LRIG1: variants seen among roughly 807,000 people sequenced by gnomAD.
LRIG1 encodes leucine-rich repeats and immunoglobulin-like domains protein 1.
A neutral mutation model predicts 99.2 loss-of-function variants in LRIG1; 48 were observed. The ratio of observed to expected loss-of-function variants is 0.48; its 90% confidence interval spans 0.38 to 0.62. The LOEUF is 0.62. Among genes scored for constraint, LRIG1 ranks in the 20% least tolerant of loss-of-function variants. The probability of loss-of-function intolerance (pLI) is 0.00; values close to 1 mark genes in which losing one functional copy is unlikely to be tolerated. For missense variants in LRIG1, 1,646 were observed against 1,434.4 expected, an observed-to-expected ratio of 1.15 and a Z score of -2.38; for synonymous variants, 772 against 596.1, an observed-to-expected ratio of 1.29 and a Z score of -4.30.
chr3:66,457,800 C>T (rs1315050924), intron 2 of LRIG1, among the ~76,000 whole-genome samples: 2 of 152,174 alleles, frequency 1.3e-5, no homozygotes, highest in African/African-American at 4.8e-5. Context: ...TAAGATATGA[C>T]CTCTGTCTTA....
intron 12 of LRIG1, among the ~76,000 whole-genome samples, chr3:66,389,516 C>G (rs915948315): frequency 1.3e-5 from 2 of 152,132 alleles, no homozygotes; most frequent in Non-Finnish European, 2.9e-5. Context: ...CAAAAGAGAA[C>G]TAAAGTGTCC....
At chr3:66,394,664 G>A (rs892235325) in intron 11 of LRIG1, among the ~76,000 whole-genome samples, 2 of 152,192 alleles carry the variant, frequency 1.3e-5, no homozygotes, top group African/African-American at 4.8e-5. Context: ...TAAACTACTT[G>A]GAGCTTCCAA....
intron 3 of LRIG1, among the ~76,000 whole-genome samples, chr3:66,444,120 G>A (rs1703640144): frequency 6.6e-6 from 1 of 152,186 alleles, no homozygotes; most frequent in Admixed American, 6.5e-5. Flanking sequence ...TCCTGCCGGG[G>A]GAGAGGGGAT....
chr3:66,439,183 C>G (rs1490109157), intron 3 of LRIG1, among the ~76,000 whole-genome samples: 1 of 152,230 alleles, frequency 6.6e-6, no homozygotes, highest in Non-Finnish European at 1.5e-5. Flanking sequence ...CCTGGAAGAA[C>G]TGCGCCAAGG....
At chr3:66,467,156 C>T (rs762769361) in intron 1 of LRIG1, among the ~76,000 whole-genome samples, 7 of 152,168 alleles carry the variant, frequency 4.6e-5, no homozygotes, top group Non-Finnish European at 8.8e-5. Context: ...ACAGTTTGCT[C>T]GCTGAGCACG....
intron 2 of LRIG1, among the ~76,000 whole-genome samples, chr3:66,460,035 A>AT (rs1700320842): frequency 6.6e-6 from 1 of 151,922 alleles, no homozygotes; most frequent in Middle Eastern, 3.2e-3. Context: ...AATACCCTTT[A>AT]TCTTGACTGC....
intron 3 of LRIG1, among the ~76,000 whole-genome samples, chr3:66,449,682 G>A (rs1703838386): frequency 6.6e-6 from 1 of 152,224 alleles, no homozygotes; most frequent in African/African-American, 2.4e-5. Flanking sequence ...GGGGTTAAAG[G>A]AGTGATGCAA....
intron 1 of LRIG1, among the ~76,000 whole-genome samples, chr3:66,465,734 T>C (rs1223960764): frequency 6.6e-6 from 1 of 152,158 alleles, no homozygotes; most frequent in Non-Finnish European, 1.5e-5. Context: ...CATTTTTAAG[T>C]GTACTCTTCA....
At chr3:66,491,258 T>C (rs1701095445) in intron 1 of LRIG1, among the ~76,000 whole-genome samples, 1 of 152,226 alleles carries the variant, frequency 6.6e-6, no homozygotes, top group African/African-American at 2.4e-5. Flanking sequence ...ATTATCCCTC[T>C]ACTAAACAAC....
At chr3:66,479,886 T>C (rs1290397994) in intron 1 of LRIG1, among the ~76,000 whole-genome samples, 1 of 152,218 alleles carries the variant, frequency 6.6e-6, no homozygotes, top group East Asian at 1.9e-4. Flanking sequence ...CAGGAAACAG[T>C]CTAGCAGTTC....
chr3:66,463,314 C>T (rs1385439374), intron 1 of LRIG1, among the ~76,000 whole-genome samples: 1 of 152,172 alleles, frequency 6.6e-6, no homozygotes, highest in Non-Finnish European at 1.5e-5. Context: ...ACTGAATAAA[C>T]CGGGAGGGAC....
intron 1 of LRIG1, among the ~76,000 whole-genome samples, chr3:66,468,104 C>T (rs1418813346): frequency 2.0e-5 from 3 of 152,194 alleles, no homozygotes; most frequent in South Asian, 2.1e-4. Context: ...TGACAAGCAC[C>T]TTCCTGGATT....
chr3:66,431,486 C>T (rs1703170471), intron 3 of LRIG1, among the ~76,000 whole-genome samples: 1 of 152,166 alleles, frequency 6.6e-6, no homozygotes, highest in Non-Finnish European at 1.5e-5. Flanking sequence ...CCAAAGAAGG[C>T]TCCGCCAACT....
intron 17 of LRIG1, 122 bp downstream of exon 17, chr3:66,381,357 T>C (rs1281012155): frequency 3.1e-6 from 3 of 965,132 alleles, no homozygotes; most frequent in South Asian, 3.2e-5. Context: ...CTGTATATAC[T>C]GAATACCAAA....
intron 12 of LRIG1, among the ~76,000 whole-genome samples, chr3:66,389,970 A>G (rs1701552066): frequency 6.6e-6 from 1 of 152,198 alleles, no homozygotes; most frequent in Non-Finnish European, 1.5e-5. Flanking sequence ...TATTAATTGA[A>G]GAAAATTGGG....
chr3:66,454,944 T>G (rs1233097175), intron 2 of LRIG1, among the ~76,000 whole-genome samples: 1 of 152,334 alleles, frequency 6.6e-6, no homozygotes, highest in South Asian at 2.1e-4. Context: ...GCAGAAATTG[T>G]GCTTGTCTTT....
At chr3:66,399,605 C>G (rs1701982679) in intron 9 of LRIG1, among the ~76,000 whole-genome samples, 1 of 152,036 alleles carries the variant, frequency 6.6e-6, no homozygotes, top group Admixed American at 6.6e-5. Flanking sequence ...CTTGTCTCTA[C>G]AAAAACTAAA....
At chr3:66,495,885 C>T (rs1701215852) in intron 1 of LRIG1, among the ~76,000 whole-genome samples, 1 of 152,202 alleles carries the variant, frequency 6.6e-6, no homozygotes, top group African/African-American at 2.4e-5. Context: ...GAGGCCCTTT[C>T]ATTGTGATCA....
chr3:66,468,488 T>G (rs1700525630), intron 1 of LRIG1, among the ~76,000 whole-genome samples: 3 of 152,230 alleles, frequency 2.0e-5, no homozygotes, highest in Non-Finnish European at 4.4e-5. Context: ...TTCCCATTAC[T>G]CAATTCTGTC....
Sources: gnomAD v4.1 joint callset for allele counts (sites outside exome capture counted in the v4.1 genomes callset) on GRCh38, gnomAD v4.1.1 for gene constraint, MANE v1.5 for transcripts, NCBI Gene and HGNC (gene_info 2026-07-23, HGNC 2026-07-21) for gene names.